CNTN3: variants seen among roughly 807,000 people sequenced by gnomAD.
CNTN3 encodes the protein contactin 3, also known as contactin-3.
In CNTN3, 60 loss-of-function variants were observed where a neutral mutation model predicts 119.1. The ratio of observed to expected loss-of-function variants is 0.50; its 90% CI spans 0.41 to 0.62. CNTN3 has a LOEUF of 0.62. Ranked by LOEUF, CNTN3 falls within the 20% of genes least tolerant of loss-of-function variation. CNTN3 has a pLI of 0.00. For synonymous variants in CNTN3, 450 were observed against 438.7 expected, an observed-to-expected ratio of 1.03 and a Z score of -0.32; for missense variants, 1,101 against 1,242.4, an observed-to-expected ratio of 0.89 and a Z score of 1.71.
At chr3:74,453,969 G>GAA (rs1201800287) in intron 4 of CNTN3, among the ~76,000 whole-genome samples, 10 of 151,332 alleles carry the variant, frequency 6.6e-5, no homozygotes, top group African/African-American at 2.4e-4. Context: ...GTGTGGTGCT[G>GAA]AAAAAAATGT....
intron 4 of CNTN3, among the ~76,000 whole-genome samples, chr3:74,457,690 A>G (rs1190122381): frequency 6.6e-6 from 1 of 152,056 alleles, no homozygotes; most frequent in Non-Finnish European, 1.5e-5. Context: ...TTCAGCATCT[A>G]TAAATGAAGT....
chr3:74,506,850 A>C (rs1185538778), intron 2 of CNTN3, among the ~76,000 whole-genome samples: 1 of 152,152 alleles, frequency 6.6e-6, no homozygotes, highest in Non-Finnish European at 1.5e-5. Flanking sequence ...GAGTGCATTA[A>C]TCAACTCTTT....
chr3:74,304,019 T>C (rs141642292), intron 13 of CNTN3, among the ~76,000 whole-genome samples: 2 of 152,282 alleles, frequency 1.3e-5, no homozygotes, highest in East Asian at 1.9e-4. Flanking sequence ...TAGTCTTGAA[T>C]TTTTGTAGTA....
chr3:74,356,963 G>A (rs533948490), intron 11 of CNTN3, among the ~76,000 whole-genome samples: 57 of 152,084 alleles, frequency 3.7e-4, no homozygotes, highest in South Asian at 1.7e-3. Context: ...TCGCTCTGTC[G>A]CCCAGGCTGG....
intron 12 of CNTN3, among the ~76,000 whole-genome samples, chr3:74,336,044 C>G (rs1209260556): frequency 1.3e-5 from 2 of 152,008 alleles, no homozygotes; most frequent in Non-Finnish European, 2.9e-5. Flanking sequence ...GTATTAGTGA[C>G]AATGTGCTCA....
At chr3:74,321,190 TG>T (rs1184501613) in intron 13 of CNTN3, among the ~76,000 whole-genome samples, 1 of 152,192 alleles carries the variant, frequency 6.6e-6, no homozygotes, top group African/African-American at 2.4e-5. Context: ...GCTCAGTACC[TG>T]GGTGATGGAT....
At chr3:74,612,865 T>C (rs1705106089) in intron 1 of CNTN3, among the ~76,000 whole-genome samples, 1 of 152,176 alleles carries the variant, frequency 6.6e-6, no homozygotes, top group African/African-American at 2.4e-5. Flanking sequence ...TAATGAACAT[T>C]CACAAGGACC....
chr3:74,336,488 C>T (rs1409298250), intron 12 of CNTN3, 43 bp downstream of exon 12: 6 of 1,595,390 alleles, frequency 3.8e-6, no homozygotes, highest in Non-Finnish European at 4.3e-6. Context: ...ATACATCTTA[C>T]AGTGAATCCG....
At chr3:74,495,329 G>A (rs1703040995) in intron 3 of CNTN3, among the ~76,000 whole-genome samples, 1 of 151,818 alleles carries the variant, frequency 6.6e-6, no homozygotes, top group Non-Finnish European at 1.5e-5. Flanking sequence ...ATATGTAAAG[G>A]ACAAATTGCA....
chr3:74,465,153 A>C (rs1702438361), intron 4 of CNTN3, among the ~76,000 whole-genome samples: 1 of 152,182 alleles, frequency 6.6e-6, no homozygotes. Context: ...TTCCTATTAA[A>C]ACTAACTGGA....
At chr3:74,528,582 T>C (rs1243174045) in intron 1 of CNTN3, among the ~76,000 whole-genome samples, 1 of 151,718 alleles carries the variant, frequency 6.6e-6, no homozygotes, top group Non-Finnish European at 1.5e-5. Flanking sequence ...ATTTTTCAGA[T>C]AAAGAAATAG....
At chr3:74,396,607 G>A (rs954293832) in intron 5 of CNTN3, among the ~76,000 whole-genome samples, 23 of 151,960 alleles carry the variant, frequency 1.5e-4, no homozygotes, top group African/African-American at 3.4e-4. Context: ...TTAACTGGGC[G>A]TCATGGTGGG....
chr3:74,298,564 T>C lies in CNTN3; in HGVS notation c.2167-373A>G, dbSNP rs1702388241. 2.1e-5 allele frequency among the ~76,000 whole-genome samples: 3 copies of C among 146,144 alleles called. No individual in the cohort carries two copies. In the South Asian group the frequency reaches 6.6e-4, roughly 32 times the overall value. ...TTAATGTTGACTTTATGAGAAGAAATATTAAAATGGTGATTAAGAACAATT... is the reference window on the plus strand; with the variant it reads ...TTAATGTTGACTTTATGAGAAGAAACATTAAAATGGTGATTAAGAACAATT... On this transcript the variant is annotated intron_variant, in intron 17 of 22. Transcript: ENST00000263665.
intron 19 of CNTN3, among the ~76,000 whole-genome samples, chr3:74,293,024 C>CTCTT (rs3084510): frequency 0.44 from 66,985 of 151,806 alleles, 14,980 homozygotes; most frequent in South Asian, 0.61. Context: ...TCTTCATACT[C>CTCTT]TCTCTTCCTT....
chr3:74,500,579 A>G (rs1284095768), intron 2 of CNTN3, among the ~76,000 whole-genome samples: 1 of 151,684 alleles, frequency 6.6e-6, no homozygotes, highest in Non-Finnish European at 1.5e-5. Context: ...AGGAGTTTCT[A>G]TTAACTCAGA....
intron 1 of CNTN3, among the ~76,000 whole-genome samples, chr3:74,587,246 A>G (rs1704609223): frequency 6.6e-6 from 1 of 152,012 alleles, no homozygotes. Context: ...ATCAGGGCTT[A>G]TTTGTTTACA....
At chr3:74,305,506 G>T (rs950250589) in intron 13 of CNTN3, among the ~76,000 whole-genome samples, 1 of 152,048 alleles carries the variant, frequency 6.6e-6, no homozygotes, top group African/African-American at 2.4e-5. Context: ...AAACAACCCT[G>T]TAACAGTAGA....
At chr3:74,423,518 G>A (rs1461239989) in intron 5 of CNTN3, among the ~76,000 whole-genome samples, 1 of 152,174 alleles carries the variant, frequency 6.6e-6, no homozygotes, top group African/African-American at 2.4e-5. Flanking sequence ...CCGTGGCGAG[G>A]CAGCACGTCC....
chr3:74,366,780 G>GTGTGTATATATATATATATATATATATA (rs1447686332), intron 8 of CNTN3, among the ~76,000 whole-genome samples: 7 of 63,698 alleles, frequency 1.1e-4, no homozygotes, highest in Non-Finnish European at 1.1e-4. Flanking sequence ...GTGTGTGTGT[G>GTGTGTATATATATATATATATATATATA]TATATATATA....
Sources: gnomAD v4.1 joint callset for allele counts (sites outside exome capture counted in the v4.1 genomes callset) on GRCh38, gnomAD v4.1.1 for gene constraint, MANE v1.5 for transcripts, NCBI Gene and HGNC (gene_info 2026-07-23, HGNC 2026-07-21) for gene names.